The following CENPP variants were observed in gnomAD, a reference collection of about 807,000 sequenced individuals.
CENPP encodes the protein centromere protein P.
A neutral mutation model predicts 35.6 loss-of-function variants in CENPP; 24 were observed. That is an observed-to-expected ratio of 0.67 (90% CI 0.49 to 0.95). The LOEUF is 0.95. Ranked by LOEUF, CENPP falls within the 40% of genes least tolerant of loss-of-function variation. The pLI is 0.00. For synonymous variants in CENPP, 120 were observed against 125.5 expected, an observed-to-expected ratio of 0.96 and a Z score of 0.29; for missense variants, 332 against 345.3, an observed-to-expected ratio of 0.96 and a Z score of 0.31.
At chr9:92,389,142 T>C (rs917761308) in intron 5 of CENPP, among the ~76,000 whole-genome samples, 1 of 152,176 alleles carries the variant, frequency 6.6e-6, no homozygotes, top group African/African-American at 2.4e-5. Flanking sequence ...AATGAGATTA[T>C]GTCTGTTACC....
chr9:92,496,166 G>T, intron 5 of CENPP: 1 of 1,353,760 alleles, frequency 7.4e-7, no homozygotes. Context: ...GGTATATTTT[G>T]GTTGTTCATC....
chr9:92,608,809 G>GT (rs1162501657), intron 5 of CENPP, among the ~76,000 whole-genome samples: 3 of 152,234 alleles, frequency 2.0e-5, no homozygotes, highest in African/African-American at 7.2e-5. Context: ...ACTAAAGGGA[G>GT]TAAGGTACAC....
intron 5 of CENPP, among the ~76,000 whole-genome samples, chr9:92,402,892 T>A (rs1200291491): frequency 6.6e-6 from 1 of 152,214 alleles, no homozygotes; most frequent in Non-Finnish European, 1.5e-5. Flanking sequence ...TCCGCTAATT[T>A]ATTTTTGAGG....
Position 92,474,738 on chromosome 9 carries a change from TGTC to T in CENPP, c.564+94880_564+94882del, listed in dbSNP as rs752504095. ...GGCTCTCTTGTTGGAAAAAGAGAGTTGTCCTCATCATCATCATCATCATCATCA... is the reference window on the plus strand; with the variant it reads ...GGCTCTCTTGTTGGAAAAAGAGAGTTCTCATCATCATCATCATCATCATCA... On this transcript the variant is annotated intron_variant, in intron 5 of 7. Transcript: ENST00000375587. 10 of 1,520,874 alleles carry T rather than the reference TGTC, an allele frequency of 6.6e-6. No homozygotes were observed. In the African/African-American group the frequency reaches 1.6e-4, roughly 24 times the overall value. 94.2% of individuals were successfully genotyped at this position (1,520,874 alleles called of 1,614,324 possible).
At chr9:92,600,096 G>A (rs531301726) in intron 5 of CENPP, among the ~76,000 whole-genome samples, 1 of 152,368 alleles carries the variant, frequency 6.6e-6, no homozygotes, top group African/African-American at 2.4e-5. Context: ...AGTGAGGGTG[G>A]CTGTGTGCCA....
At chr9:92,335,352 GTCTGA>G (rs1418847440) in intron 2 of CENPP, among the ~76,000 whole-genome samples, 1 of 152,124 alleles carries the variant, frequency 6.6e-6, no homozygotes, top group African/African-American at 2.4e-5. Flanking sequence ...GTCTCTCTCT[GTCTGA>G]TTTCTTATAT....
chr9:92,505,292 C>T (rs958160871), intron 5 of CENPP, among the ~76,000 whole-genome samples: 2 of 152,074 alleles, frequency 1.3e-5, no homozygotes, highest in African/African-American at 4.8e-5. Flanking sequence ...CTCCCATTTC[C>T]CCCAAGAGCT....
At chr9:92,552,019 GATAGATCTATCATATATGTGATATT>G (rs1428881616) in intron 5 of CENPP, among the ~76,000 whole-genome samples, 1,855 of 137,092 alleles carry the variant, frequency 0.014, 216 homozygotes, top group African/African-American at 0.05. Flanking sequence ...TATATGATAT[GATAGATCTATCATATATGTGATATT>G]ATAGGTCTAT....
At chr9:92,401,408 G>A (rs1283889769) in intron 5 of CENPP, among the ~76,000 whole-genome samples, 1 of 152,008 alleles carries the variant, frequency 6.6e-6, no homozygotes, top group Non-Finnish European at 1.5e-5. Context: ...AAAAGAACTG[G>A]GTGTTTTTAT....
At chr9:92,332,682 C>G (rs1840790796) in intron 2 of CENPP, among the ~76,000 whole-genome samples, 1 of 152,024 alleles carries the variant, frequency 6.6e-6, no homozygotes, top group South Asian at 2.1e-4. Context: ...TTGGTGGGCA[C>G]CTGTAATCTA....
chr9:92,378,686 T>A (rs1372745060), intron 4 of CENPP, among the ~76,000 whole-genome samples: 1 of 152,230 alleles, frequency 6.6e-6, no homozygotes, highest in Non-Finnish European at 1.5e-5. Context: ...AAATGATACA[T>A]GGTTCTTGCC....
At chr9:92,541,404 C>T in intron 5 of CENPP, among the ~76,000 whole-genome samples, 2 of 89,842 alleles carry the variant, frequency 2.2e-5, no homozygotes, top group Non-Finnish European at 4.4e-5. Flanking sequence ...TCCACTGCCA[C>T]CCCCCTTCCC....
intron 5 of CENPP, among the ~76,000 whole-genome samples, chr9:92,482,670 G>A (rs151329560): frequency 3.3e-5 from 5 of 152,222 alleles, no homozygotes; most frequent in African/African-American, 9.6e-5. Flanking sequence ...AAGTGCAGTC[G>A]GAGTCATTCA....
chr9:92,466,033 A>G (rs1845297078), intron 5 of CENPP, among the ~76,000 whole-genome samples: 1 of 152,126 alleles, frequency 6.6e-6, no homozygotes, highest in African/African-American at 2.4e-5. Flanking sequence ...GGGTTTTACT[A>G]TGTTGGCCAG....
intron 4 of CENPP, among the ~76,000 whole-genome samples, chr9:92,375,169 T>G (rs1842095552): frequency 6.6e-6 from 1 of 152,224 alleles, no homozygotes; most frequent in African/African-American, 2.4e-5. Flanking sequence ...TGACTTTCAT[T>G]ATGTATATGT....
In CENPP at chr9:92,409,546, A is replaced by G. The variant is rs80084856; in HGVS notation, c.564+29687A>G. On this transcript the variant is annotated intron_variant, in intron 5 of 7. Coordinates refer to ENST00000375587, the MANE Select transcript of CENPP (RefSeq NM_001012267.3). ...ATGTGTAGTGTTTCAGGTAATTCTT[A>G]AACACTGGCTAAACATTCTCAACCA... Among the ~76,000 whole-genome samples the G allele has an allele frequency of 4.8e-3, 736 of 152,334 alleles. 4 individuals are homozygous for G. Among genetic ancestry groups the G allele is most frequent in the African/African-American group, 0.015 (640 of 41,582 alleles).
intron 5 of CENPP, among the ~76,000 whole-genome samples, chr9:92,542,445 T>C (rs559634287): frequency 1.6e-4 from 24 of 152,322 alleles, no homozygotes; most frequent in South Asian, 4.1e-4. Context: ...TTTGGAATTA[T>C]ATTCAAAAAA....
intron 5 of CENPP, among the ~76,000 whole-genome samples, chr9:92,553,373 T>TG (rs1270962186): frequency 6.6e-6 from 1 of 152,228 alleles, no homozygotes; most frequent in African/African-American, 2.4e-5. Context: ...TGCTTAGTCT[T>TG]GCTTTGGCTA....
At chr9:92,611,744 G>A (rs1026240154) in intron 6 of CENPP, among the ~76,000 whole-genome samples, 2 of 152,174 alleles carry the variant, frequency 1.3e-5, no homozygotes, top group Admixed American at 1.3e-4. Context: ...CCAAAGCAAT[G>A]AGAAGAAACA....
Sources: allele counts gnomAD v4.1 joint callset (sites outside exome capture counted in the v4.1 genomes callset), GRCh38; gene constraint gnomAD v4.1.1; transcripts MANE v1.5; gene names NCBI Gene and HGNC (gene_info 2026-07-23, HGNC 2026-07-21).